The following MPP7 variants were observed in gnomAD, a reference collection of about 807,000 sequenced individuals.
MPP7 encodes the protein MAGUK p55 subfamily member 7.
Under a neutral mutation model 76.5 loss-of-function variants are expected in MPP7, and 60 were observed. The observed-to-expected ratio is 0.78, with a 90% CI of 0.64 to 0.97. The LOEUF (loss-of-function observed/expected upper bound fraction) is 0.97. Ranked by LOEUF, MPP7 falls within the 50% of genes least tolerant of loss-of-function variation. The probability of loss-of-function intolerance (pLI) is 0.00; values close to 1 mark genes in which losing one functional copy is unlikely to be tolerated. For synonymous variants in MPP7, 237 were observed against 244.5 expected (o/e 0.97, Z 0.29); for missense variants, 641 against 694.0 (o/e 0.92, Z 0.86).
intron 1 of MPP7, among the ~76,000 whole-genome samples, chr10:28,301,632 G>T (rs1334710516): frequency 6.6e-6 from 1 of 152,126 alleles, no homozygotes; most frequent in African/African-American, 2.4e-5. Context: ...GAGTAAAGTG[G>T]GGCAGGATTC....
At chr10:28,079,224 G>C (rs1172526211) in intron 12 of MPP7, among the ~76,000 whole-genome samples, 1 of 152,084 alleles carries the variant, frequency 6.6e-6, no homozygotes, top group Non-Finnish European at 1.5e-5. Context: ...AGTATATTTT[G>C]ATTAGAATGC....
At chr10:28,220,367 C>T (rs16928617) in intron 2 of MPP7, among the ~76,000 whole-genome samples, 5,560 of 152,166 alleles carry the variant, frequency 0.037, 195 homozygotes, top group African/African-American at 0.084. Flanking sequence ...TGGCCTATAA[C>T]CATCCTTTCC....
intron 1 of MPP7, among the ~76,000 whole-genome samples, chr10:28,278,007 G>A (rs749754494): frequency 6.6e-6 from 1 of 152,006 alleles, no homozygotes; most frequent in Non-Finnish European, 1.5e-5. Context: ...CAGGCTGCCA[G>A]GGCAATGAGA....
At chr10:28,246,940 T>C (rs1198233460) in intron 1 of MPP7, among the ~76,000 whole-genome samples, 7 of 152,190 alleles carry the variant, frequency 4.6e-5, no homozygotes, top group African/African-American at 1.7e-4. Flanking sequence ...GTCCCTGACA[T>C]AGAGCACAGT....
intron 2 of MPP7, among the ~76,000 whole-genome samples, chr10:28,224,349 A>G: frequency 6.6e-6 from 1 of 151,084 alleles, no homozygotes. Flanking sequence ...AACAATGTGA[A>G]TATCAAAGTT....
At chr10:28,310,939 AT>A (rs767616127) in intron 2 of MPP7, among the ~76,000 whole-genome samples, 2 of 152,206 alleles carry the variant, frequency 1.3e-5, no homozygotes, top group Non-Finnish European at 2.9e-5. Flanking sequence ...AACCTAAAAT[AT>A]TTTTCTCTTA....
intron 2 of MPP7, among the ~76,000 whole-genome samples, chr10:28,312,192 T>G (rs909226767): frequency 6.6e-6 from 1 of 152,176 alleles, no homozygotes; most frequent in African/African-American, 2.4e-5. Flanking sequence ...CTTTATTCCC[T>G]TTTTTGTCCC....
intron 1 of MPP7, among the ~76,000 whole-genome samples, chr10:28,294,600 C>A (rs899122025): frequency 5.3e-5 from 8 of 152,314 alleles, no homozygotes; most frequent in Middle Eastern, 3.4e-3. Context: ...TTTTCCTTCA[C>A]TCCTTAAAAA....
chr10:28,064,869 G>C (rs1851929651), intron 13 of MPP7, among the ~76,000 whole-genome samples: 1 of 152,164 alleles, frequency 6.6e-6, no homozygotes, highest in South Asian at 2.1e-4. Context: ...CTGGTGCACT[G>C]TCTTCTAAAC....
chr10:28,299,780 T>C (rs1841110884), intron 1 of MPP7, among the ~76,000 whole-genome samples: 1 of 151,466 alleles, frequency 6.6e-6, no homozygotes, highest in African/African-American at 2.4e-5. Context: ...TTTTTTTTTT[T>C]TTTGAGACGG....
intron 1 of MPP7, among the ~76,000 whole-genome samples, chr10:28,288,678 G>A (rs902192716): frequency 3.9e-5 from 6 of 152,138 alleles, no homozygotes; most frequent in Admixed American, 6.6e-5. Context: ...AGCGTGAAGC[G>A]GTACTGAAAC....
chr10:28,225,114 T>C (rs567024701), intron 2 of MPP7, among the ~76,000 whole-genome samples: 4 of 152,244 alleles, frequency 2.6e-5, no homozygotes, highest in Admixed American at 2.0e-4. Flanking sequence ...GACAATGGAA[T>C]TTCCACATAC....
intron 5 of MPP7, among the ~76,000 whole-genome samples, chr10:28,141,515 G>A (rs1286566460): frequency 6.6e-6 from 1 of 152,034 alleles, no homozygotes; most frequent in East Asian, 1.9e-4. Context: ...AAATTAACAT[G>A]TTTACTGTAT....
intron 2 of MPP7, among the ~76,000 whole-genome samples, chr10:28,315,937 G>A (rs888649365): frequency 2.6e-5 from 4 of 152,088 alleles, no homozygotes; most frequent in African/African-American, 7.2e-5. Flanking sequence ...CCAGTCATGA[G>A]AAAAACATCA....
At chr10:28,209,476 A>C (rs1449767572) in intron 2 of MPP7, among the ~76,000 whole-genome samples, 3 of 152,086 alleles carry the variant, frequency 2.0e-5, no homozygotes, top group Non-Finnish European at 2.9e-5. Flanking sequence ...CTCCAAAAAA[A>C]AAAAAAAAAC....
chr10:28,096,707 A>C (rs1853586834), intron 11 of MPP7, among the ~76,000 whole-genome samples: 2 of 152,186 alleles, frequency 1.3e-5, no homozygotes, highest in Admixed American at 6.5e-5. Context: ...AATATTCACC[A>C]ATATTTTCTG....
At chr10:28,102,621 C>T (rs1853877997) in intron 11 of MPP7, among the ~76,000 whole-genome samples, 1 of 152,174 alleles carries the variant, frequency 6.6e-6, no homozygotes, top group African/African-American at 2.4e-5. Flanking sequence ...GCCCAACCTA[C>T]TCCTCTGCAG....
intron 13 of MPP7, among the ~76,000 whole-genome samples, chr10:28,060,691 T>TC (rs752030168): frequency 2.0e-5 from 3 of 152,152 alleles, no homozygotes; most frequent in Non-Finnish European, 4.4e-5. Context: ...GTAGAAAAAG[T>TC]CCTTGTGGGC....
intron 1 of MPP7, among the ~76,000 whole-genome samples, chr10:28,256,660 G>A (rs934141761): frequency 4.6e-5 from 7 of 152,148 alleles, no homozygotes; most frequent in African/African-American, 1.7e-4. Context: ...ATTTCACAAT[G>A]AGTATTTATT....
Sources: allele counts gnomAD v4.1 joint callset (sites outside exome capture counted in the v4.1 genomes callset), GRCh38; gene constraint gnomAD v4.1.1; transcripts MANE v1.5; gene names NCBI Gene and HGNC (gene_info 2026-07-23, HGNC 2026-07-21).